EIF3E: variants seen among roughly 807,000 people sequenced by gnomAD.
EIF3E encodes eukaryotic translation initiation factor 3 subunit E.
Under a neutral mutation model 59.3 loss-of-function variants are expected in EIF3E, and 25 were observed. The ratio of observed to expected loss-of-function variants is 0.42; its 90% CI spans 0.31 to 0.59. The LOEUF is 0.59. Ranked by LOEUF, EIF3E falls within the 20% of genes least tolerant of loss-of-function variation. EIF3E has a pLI of 0.15. For synonymous variants in EIF3E, 176 were observed against 170.2 expected (o/e 1.03, Z -0.26); for missense variants, 317 against 534.3 (o/e 0.59, Z 4.01).
chr8:108,245,758 A>G (rs1350898949), intron 1 of EIF3E, among the ~76,000 whole-genome samples: 3 of 152,234 alleles, frequency 2.0e-5, no homozygotes, highest in Non-Finnish European at 4.4e-5. Context: ...TATTCATTCA[A>G]TCATTTATTA....
intron 9 of EIF3E, among the ~76,000 whole-genome samples, 159 bp downstream of exon 9, chr8:108,216,253 A>G (rs968066089): frequency 6.6e-6 from 1 of 152,232 alleles, no homozygotes; most frequent in Non-Finnish European, 1.5e-5. Flanking sequence ...AAGCCATTTT[A>G]AGGTTAATAA....
chr8:108,234,896 T>G (rs1218206575), intron 5 of EIF3E, 102 bp downstream of exon 5: 1 of 617,200 alleles, frequency 1.6e-6, no homozygotes, highest in South Asian at 5.2e-5. Flanking sequence ...GTTGAAAACT[T>G]AATGAACAGA....
chr8:108,247,773 T>C (rs1479995990), intron 1 of EIF3E, among the ~76,000 whole-genome samples: 2 of 152,194 alleles, frequency 1.3e-5, no homozygotes, highest in Non-Finnish European at 2.9e-5. Flanking sequence ...GCAAATTACT[T>C]TGCATTATTA....
chr8:108,239,187 T>A (rs1479350023), intron 3 of EIF3E, among the ~76,000 whole-genome samples: 2 of 152,148 alleles, frequency 1.3e-5, no homozygotes, highest in African/African-American at 4.8e-5. Context: ...GTTTCTTTTT[T>A]ATTTTTTCCT....
intron 10 of EIF3E, among the ~76,000 whole-genome samples, chr8:108,205,702 G>A (rs757978328): frequency 2.0e-5 from 3 of 152,128 alleles, no homozygotes; most frequent in African/African-American, 4.8e-5. Context: ...CACTGTATAC[G>A]CTACCCGCCC....
chr8:108,223,415 T>G (rs925438224), intron 7 of EIF3E, among the ~76,000 whole-genome samples: 3 of 151,500 alleles, frequency 2.0e-5, no homozygotes, highest in South Asian at 2.1e-4. Context: ...CGACAAAGAG[T>G]TTTTTTTACC....
intron 6 of EIF3E, 51 bp from the exon 7 acceptor site, chr8:108,228,442 G>C (rs1395337273): frequency 7.6e-7 from 1 of 1,320,206 alleles, no homozygotes; most frequent in Non-Finnish European, 9.9e-7. Flanking sequence ...ATAAGAAAGA[G>C]GCAGGAGGAC....
At chr8:108,215,079 CTTAGAAA>C (rs984333687) in intron 9 of EIF3E, among the ~76,000 whole-genome samples, 10 of 152,048 alleles carry the variant, frequency 6.6e-5, no homozygotes, top group African/African-American at 2.4e-4. Context: ...ATTAAGTAGA[CTTAGAAA>C]TTAGAAGGAA....
intron 2 of EIF3E, among the ~76,000 whole-genome samples, chr8:108,240,427 A>G (rs1214991320): frequency 6.6e-6 from 1 of 152,134 alleles, no homozygotes; most frequent in South Asian, 2.1e-4. Context: ...AAGTGTTTTT[A>G]TATTTGTTCT....
chr8:108,237,169 C>T (rs931626078), intron 3 of EIF3E, among the ~76,000 whole-genome samples: 3 of 152,150 alleles, frequency 2.0e-5, no homozygotes, highest in African/African-American at 7.2e-5. Flanking sequence ...TGTTGACAGA[C>T]TAGTAAAAGA....
chr8:108,217,079 T>C (rs1046580828), intron 8 of EIF3E, among the ~76,000 whole-genome samples: 1 of 152,112 alleles, frequency 6.6e-6, no homozygotes, highest in East Asian at 1.9e-4. Flanking sequence ...GAGAAACACA[T>C]ACACATAATG....
intron 1 of EIF3E, chr8:108,242,213 T>G (rs1481596102): frequency 7.6e-7 from 1 of 1,308,942 alleles, no homozygotes; most frequent in Non-Finnish European, 1.0e-6. Context: ...TCTCTTACCC[T>G]TTCTAGGCAA....
chr8:108,228,427 A>G, intron 6 of EIF3E, 36 bp from the exon 7 acceptor site: 1 of 1,378,230 alleles, frequency 7.3e-7, no homozygotes, highest in Non-Finnish European at 9.5e-7. Context: ...AAAAAATATT[A>G]ATATATAAGA....
intron 7 of EIF3E, among the ~76,000 whole-genome samples, chr8:108,225,358 T>A (rs1815498790): frequency 6.6e-6 from 1 of 151,556 alleles, no homozygotes. Context: ...GGTAGTGATG[T>A]TCATGAATGT....
At chr8:108,237,580 AT>A (rs1815757364) in intron 3 of EIF3E, among the ~76,000 whole-genome samples, 1 of 152,196 alleles carries the variant, frequency 6.6e-6, no homozygotes, top group African/African-American at 2.4e-5. Context: ...ACATTTTCTT[AT>A]CCTTCTCATG....
chr8:108,202,568 G>A (rs995341508), intron 12 of EIF3E, among the ~76,000 whole-genome samples: 2 of 151,954 alleles, frequency 1.3e-5, no homozygotes, highest in African/African-American at 4.8e-5. Flanking sequence ...TATAAGATCA[G>A]CACTAATACA....
At position 108,240,122 on chromosome 8, in the gene EIF3E, T is replaced by C. The variant is rs767180271; in HGVS notation, c.206-47A>G. On this transcript the variant is annotated intron_variant, in intron 2 of 12. Transcript: ENST00000220849. Reference sequence around the variant, plus strand: ...CACTACAATGTTAAGGAATGTTAAATTGTGCTACTCATCATGAGAATGTCT... The same window carrying C: ...CACTACAATGTTAAGGAATGTTAAACTGTGCTACTCATCATGAGAATGTCT... 26 of 1,457,146 alleles carry C rather than the reference T, an allele frequency of 1.8e-5. 1 individual carries two copies. Among genetic ancestry groups the C allele is most frequent in the East Asian group, 2.3e-5 (1 of 44,056 alleles). 90.3% of individuals were successfully genotyped at this position (1,457,146 alleles called of 1,614,324 possible).
In EIF3E at chr8:108,214,800, T is replaced by C. The variant is rs112365426; in HGVS notation, c.952-84A>G. 5 of 1,209,502 alleles carry C rather than the reference T, an allele frequency of 4.1e-6. No homozygotes were observed. In the African/African-American group the frequency reaches 7.7e-5, roughly 19 times the overall value. 74.9% of individuals were successfully genotyped at this position (1,209,502 alleles called of 1,614,324 possible). ...AATCAAATACTTTATCTGCTTTATT[T>C]TTCCATTCTACAATCATGAGTTTTA... is the stretch of plus-strand genomic sequence containing the variant. On this transcript the variant is annotated intron_variant, in intron 9 of 12. Transcript: ENST00000220849.
intron 10 of EIF3E, among the ~76,000 whole-genome samples, chr8:108,212,405 AC>A (rs1348332501): frequency 6.6e-6 from 1 of 152,242 alleles, no homozygotes; most frequent in African/African-American, 2.4e-5. Flanking sequence ...CATTTCTATC[AC>A]TACAGAAAAT....
Sources: gnomAD v4.1 joint callset for allele counts (sites outside exome capture counted in the v4.1 genomes callset) on GRCh38, gnomAD v4.1.1 for gene constraint, MANE v1.5 for transcripts, NCBI Gene and HGNC (gene_info 2026-07-23, HGNC 2026-07-21) for gene names.